LACTB: variants seen among roughly 807,000 people sequenced by gnomAD.
The protein encoded by LACTB is lactamase beta.
Under a neutral mutation model 50.2 loss-of-function variants are expected in LACTB, and 35 were observed. The observed-to-expected ratio is 0.70, with a 90% CI of 0.53 to 0.92. The LOEUF is 0.92. Among genes scored for constraint, LACTB ranks in the 40% least tolerant of loss-of-function variants. The pLI, the probability that LACTB is intolerant of heterozygous loss-of-function variation, is 0.00. For missense variants in LACTB, 664 were observed against 691.8 expected (o/e 0.96, Z 0.45); for synonymous variants, 252 against 268.2 (o/e 0.94, Z 0.59).
intron 5 of LACTB, among the ~76,000 whole-genome samples, chr15:63,132,459 A>T (rs1354363382): frequency 6.6e-6 from 1 of 152,212 alleles, no homozygotes; most frequent in Non-Finnish European, 1.5e-5. Context: ...TTGATAGTAA[A>T]CATTAAAATG....
At position 63,141,672 on chromosome 15, in the gene LACTB, A is replaced by G. The variant is rs1463939302; in HGVS notation, c.1511A>G (p.Asp504Gly). ...CTGCTGGTCCTTCCTGAAGAACTGG[A>G]TACAGAGACTATAAATAACAAGGTT... ...SVLLVLPEEL[D>G]TETINNKVPP... Residue 504 changes from aspartate (D) to glycine (G), a missense_variant, in exon 6 of 6, where the codon GAT becomes GGT. By Grantham distance (94) the Asp-to-Gly change is moderately conservative. Coordinates refer to ENST00000261893, the MANE Select transcript of LACTB (RefSeq NM_032857.5). 1 of 1,614,088 alleles carries G rather than the reference A, an allele frequency of 6.2e-7. No individual in the cohort carries two copies. Among genetic ancestry groups the G allele is most frequent in the Non-Finnish European group, 8.5e-7 (1 of 1,180,056 alleles).
At chr15:63,136,664 G>T (rs2037180603) in intron 5 of LACTB, among the ~76,000 whole-genome samples, 1 of 152,020 alleles carries the variant, frequency 6.6e-6, no homozygotes, top group South Asian at 2.1e-4. Context: ...GAGTTTAAAG[G>T]CACCAGCTTT....
rs1386469733 is a variant in LACTB at position 63,141,971 on chromosome 15, A to G, written c.*166A>G. On this transcript the variant is annotated 3_prime_UTR_variant, in exon 6 of 6. Coordinates refer to ENST00000261893, the MANE Select transcript of LACTB (RefSeq NM_032857.5). Reference sequence around the variant, plus strand: ...ATTTTGTAATGGTCTTTTATTGTAGAATTGGTTCTTTATACTCAGGGAAGT... The same window carrying G: ...ATTTTGTAATGGTCTTTTATTGTAGGATTGGTTCTTTATACTCAGGGAAGT... The G allele has an allele frequency of 5.5e-5, 33 of 595,444 alleles. No homozygotes were observed. Among genetic ancestry groups the G allele is most frequent in the Non-Finnish European group, 9.5e-5 (33 of 349,036 alleles). 36.9% of individuals were successfully genotyped at this position (595,444 alleles called of 1,614,324 possible). A position where few individuals can be genotyped will look rare whatever the true frequency, so the allele number is the denominator to read the frequency against.
At position 63,122,082 on chromosome 15, in the gene LACTB, GC is replaced by G; in HGVS notation, c.216del (p.Asp73ThrfsTer55). ...CGCGGCCCCGGCGCAGTCCCCCGCG[GC>G]CCCCGACCCTGAGGCGTCGCCTCTG... ...RGAAPAQSPAAPDPEASPLAE... is the reference protein window; with the variant it reads ...RGAAPAQSPAXPDPEASPLAE... On this transcript the variant is annotated frameshift_variant, in exon 1 of 6. Coordinates refer to ENST00000261893, the MANE Select transcript of LACTB (RefSeq NM_032857.5). LOFTEE classifies it high-confidence loss of function. The G allele has an allele frequency of 1.4e-6, 2 of 1,456,240 alleles. No homozygotes were observed. The highest frequency in any genetic ancestry group is 1.8e-6 in the Non-Finnish European group (2 of 1,113,002). The allele number at this position is 1,456,240 out of a possible 1,614,324, so 90.2% of individuals were successfully genotyped here.
At chr15:63,140,955 C>A (rs756402371) in intron 5 of LACTB, 97 of 959,632 alleles carry the variant, frequency 1.0e-4, no homozygotes, top group South Asian at 1.4e-4. Context: ...TCCATATGCA[C>A]AGGGCAAATA....
At chr15:63,132,116 A>G (rs1192695154) in intron 5 of LACTB, among the ~76,000 whole-genome samples, 1 of 152,156 alleles carries the variant, frequency 6.6e-6, no homozygotes, top group Non-Finnish European at 1.5e-5. Flanking sequence ...ATATTATATA[A>G]TGCTGAGGTT....
chr15:63,129,667 TG>T lies in LACTB; in HGVS notation c.1118+18del. ...TAGAGCAAGGTAAATGAATACCTTC[TG>T]CTGTGTCTAGCTATATCGCATCTTA... On this transcript the variant is annotated intron_variant, in intron 5 of 5. Coordinates refer to ENST00000261893, the MANE Select transcript of LACTB (RefSeq NM_032857.5). 6.4e-7 allele frequency: 1 copy of T among 1,571,378 alleles called. No individual in the cohort carries two copies. The highest frequency in any genetic ancestry group is 1.2e-5 in the South Asian group (1 of 83,686).
At chr15:63,135,631 A>T (rs1011743825) in intron 5 of LACTB, among the ~76,000 whole-genome samples, 1 of 152,146 alleles carries the variant, frequency 6.6e-6, no homozygotes, top group African/African-American at 2.4e-5. Context: ...AGCGGGGAGG[A>T]TCACCTGAGC....
intron 5 of LACTB, among the ~76,000 whole-genome samples, chr15:63,135,980 C>T (rs887699017): frequency 1.3e-5 from 2 of 151,710 alleles, no homozygotes; most frequent in Non-Finnish European, 2.9e-5. Flanking sequence ...GAGTAATTAA[C>T]TTGTGACTTG....
chr15:63,125,684 T>C (rs2037043943), intron 2 of LACTB, among the ~76,000 whole-genome samples: 1 of 151,898 alleles, frequency 6.6e-6, no homozygotes, highest in South Asian at 2.1e-4. Context: ...ATTTATTTAT[T>C]TATTTATTTT....
intron 1 of LACTB, 135 bp from the exon 2 acceptor site, chr15:63,122,501 G>A (rs923205770): frequency 3.8e-6 from 3 of 794,322 alleles, no homozygotes; most frequent in African/African-American, 3.4e-5. Flanking sequence ...CCATGGCCTG[G>A]GACGAGGTGG....
chr15:63,132,783 T>G (rs940880395), intron 5 of LACTB, among the ~76,000 whole-genome samples: 6 of 152,190 alleles, frequency 3.9e-5, no homozygotes, highest in African/African-American at 1.2e-4. Context: ...ATTGCACCAC[T>G]GCACTCCAGC....
At chr15:63,138,297 TC>T (rs1179794348) in intron 5 of LACTB, among the ~76,000 whole-genome samples, 3 of 151,978 alleles carry the variant, frequency 2.0e-5, no homozygotes, top group East Asian at 1.9e-4. Flanking sequence ...TGAGACCCTG[TC>T]CCCCCACCCT....
intron 5 of LACTB, among the ~76,000 whole-genome samples, chr15:63,133,338 G>C (rs1213503398): frequency 6.6e-6 from 1 of 151,946 alleles, no homozygotes; most frequent in African/African-American, 2.4e-5. Context: ...AATAACTCTG[G>C]CCAGGTGCTG....
chr15:63,122,562 G>A, intron 1 of LACTB, 74 bp from the exon 2 acceptor site: 1 of 1,211,686 alleles, frequency 8.3e-7, no homozygotes. Flanking sequence ...GCGGGGCCTT[G>A]GAAGGTCCCC....
In LACTB at chr15:63,142,033, C is replaced by T; in HGVS notation, c.*228C>T. ...TTTTACTTTTTGAAAAAAGTGTTAA[C>T]TCTTGAAATAAAATATTCTGATAAA... is the stretch of plus-strand genomic sequence containing the variant. On this transcript the variant is annotated 3_prime_UTR_variant, in exon 6 of 6. Coordinates refer to ENST00000261893, the MANE Select transcript of LACTB (RefSeq NM_032857.5). 2.3e-6 allele frequency: 1 copy of T among 428,772 alleles called. No individual in the cohort carries two copies. Among genetic ancestry groups the T allele is most frequent in the Non-Finnish European group, 4.2e-6 (1 of 240,122 alleles). The allele number at this position is 428,772 out of a possible 1,614,324, so 26.6% of individuals were successfully genotyped here.
chr15:63,128,805 G>A (rs1193966122), intron 4 of LACTB, among the ~76,000 whole-genome samples: 7 of 151,832 alleles, frequency 4.6e-5, no homozygotes, highest in African/African-American at 9.7e-5. Flanking sequence ...GTACAGTGGC[G>A]GGATCTCAGC....
intron 5 of LACTB, chr15:63,129,993 T>C (rs760627566): frequency 3.6e-5 from 6 of 164,922 alleles, no homozygotes; most frequent in Non-Finnish European, 6.5e-5. Flanking sequence ...TTAATTGTTT[T>C]CATACTGTTT....
chr15:63,127,670 T>A lies in LACTB; in HGVS notation c.933T>A (p.Asp311Glu). Residue 311 changes from aspartate (D) to glutamate (E), a missense_variant, in exon 4 of 6, where the codon GAT (aspartate) becomes GAA (glutamate). Asp to Glu is a conservative substitution (Grantham distance 45). Coordinates refer to ENST00000261893, the MANE Select transcript of LACTB (RefSeq NM_032857.5). ...AATCCCTAAGATTATTTAAAAATGA[T>A]CCTTTGTTCTTCAAACCTGGTGAGT... ...SIESLRLFKNDPLFFKPGSQF... is the reference protein window; with the variant it reads ...SIESLRLFKNEPLFFKPGSQF... The A allele has an allele frequency of 6.3e-7, 1 of 1,592,186 alleles. No individual in the cohort carries two copies. The highest frequency in any genetic ancestry group is 1.7e-5 in the Admixed American group (1 of 58,142).
Sources: gnomAD v4.1 joint callset for allele counts (sites outside exome capture counted in the v4.1 genomes callset) on GRCh38, gnomAD v4.1.1 for gene constraint, MANE v1.5 for transcripts, NCBI Gene and HGNC (gene_info 2026-07-23, HGNC 2026-07-21) for gene names.